Variants in CHD1L observed in about 807,000 individuals in gnomAD.
CHD1L encodes the protein chromodomain helicase DNA binding protein 1 like, also known as ATP-dependent chromatin remodeler CHD1L.
A neutral mutation model predicts 115.9 loss-of-function variants in CHD1L; 118 were observed. The ratio of observed to expected loss-of-function variants is 1.02; its 90% CI spans 0.88 to 1.19. The LOEUF is 1.19. CHD1L is among the 50% of genes most tolerant of loss of function. The pLI, the probability that CHD1L is intolerant of heterozygous loss-of-function variation, is 0.00. For missense variants in CHD1L, 1,179 were observed against 1,065.3 expected, an observed-to-expected ratio of 1.11 and a Z score of -1.49; for synonymous variants, 411 against 387.1, an observed-to-expected ratio of 1.06 and a Z score of -0.72.
chr1:147,280,298 C>CT, intron 15 of CHD1L, 107 bp downstream of exon 15: 1 of 1,161,208 alleles, frequency 8.6e-7, no homozygotes. Flanking sequence ...TTTTTTCTCC[C>CT]TTACCCTATT....
chr1:147,287,579 A>G lies in CHD1L; in HGVS notation c.2222-56A>G. 4 of 1,292,446 alleles carry G rather than the reference A, an allele frequency of 3.1e-6. No individual in the cohort carries two copies. The South Asian group carries it at 4.0e-5, about 13-fold the overall frequency. 80.1% of individuals were successfully genotyped at this position (1,292,446 alleles called of 1,614,324 possible). ...CCTTTTGTGTGCCTTTGTTTTTCTA[A>G]ATTGTGCACTGGACTTCACCTCCTA... On this transcript the variant is annotated intron_variant, in intron 18 of 22. Coordinates refer to ENST00000369258, the MANE Select transcript of CHD1L (RefSeq NM_004284.6).
At chr1:147,198,850 C>CAAA in the CHD1L span, among the ~76,000 whole-genome samples, 85 of 51,668 alleles carry the variant, frequency 1.6e-3, no homozygotes, top group East Asian at 2.3e-3. Context: ...GACTGCATCT[C>CAAA]AAAAAAAAAA....
chr1:147,215,808 C>T, the CHD1L span: 95 of 1,613,660 alleles, frequency 5.9e-5, 1 homozygote, highest in South Asian at 1.0e-3. Context: ...TCCTGAAATA[C>T]TCCAGGACCT....
At chr1:147,226,047 T>C in the CHD1L span, among the ~76,000 whole-genome samples, 1 of 152,036 alleles carries the variant, frequency 6.6e-6, no homozygotes. Context: ...TTATTATTAT[T>C]ACTTTTTTTA....
At chr1:147,265,605 A>T (rs1217994838) in intron 7 of CHD1L, among the ~76,000 whole-genome samples, 1 of 152,176 alleles carries the variant, frequency 6.6e-6, no homozygotes, top group Non-Finnish European at 1.5e-5. Flanking sequence ...AAAAATGGGG[A>T]CAGTATTCCT....
the CHD1L span, chr1:147,215,761 C>T: frequency 1.8e-5 from 29 of 1,596,526 alleles, no homozygotes; most frequent in Middle Eastern, 5.0e-4. Context: ...TACCTTAAAT[C>T]GAATATACTT....
the CHD1L span, among the ~76,000 whole-genome samples, chr1:147,234,156 C>T: frequency 5.9e-5 from 9 of 152,128 alleles, no homozygotes; most frequent in African/African-American, 1.9e-4. Flanking sequence ...CTCTTTTGAC[C>T]CCCACATTCT....
chr1:147,241,255 GTT>G (rs1299235194), upstream of CHD1L, among the ~76,000 whole-genome samples: 3 of 152,146 alleles, frequency 2.0e-5, no homozygotes, highest in African/African-American at 7.2e-5. Context: ...CAGATGGCTG[GTT>G]CCTGCCTTAA....
rs1686747217 is a variant in CHD1L, at chr1:147,294,348, A to G, written c.2507-61A>G. On this transcript the variant is annotated intron_variant, in intron 21 of 22. Transcript: ENST00000369258. The stretch of plus-strand genomic sequence containing the variant: ...TCAATAATAATTTTCTCCCATGTGT[A>G]TTTTATACCCATCAATCAATTTTTG... The G allele has an allele frequency of 2.5e-6, 3 of 1,212,044 alleles. No homozygotes were observed. The Admixed American group carries it at 5.9e-5, about 24-fold the overall frequency. 75.1% of individuals were successfully genotyped at this position (1,212,044 alleles called of 1,614,324 possible).
At chr1:147,172,946 A>G in the CHD1L span, 1 of 152,470 alleles carries the variant, frequency 6.6e-6, no homozygotes, top group East Asian at 1.9e-4. Flanking sequence ...CTTATAGGGA[A>G]TAAGAAAACT....
chr1:147,222,375 A>AAG, the CHD1L span, among the ~76,000 whole-genome samples: 1 of 152,138 alleles, frequency 6.6e-6, no homozygotes. Flanking sequence ...CTAAAAAGAA[A>AAG]AGAGAGAGAG....
chr1:147,242,961 C>T, intron 1 of CHD1L, 131 bp downstream of exon 1: 2 of 1,108,068 alleles, frequency 1.8e-6, no homozygotes, highest in Non-Finnish European at 2.3e-6. Flanking sequence ...TTCCTTCGCT[C>T]CTGCCGTGGG....
chr1:147,280,276 C>T, intron 15 of CHD1L, 85 bp downstream of exon 15: 1 of 1,362,002 alleles, frequency 7.3e-7, no homozygotes, highest in Non-Finnish European at 9.9e-7. Flanking sequence ...GGATGCTGCT[C>T]TCTGGGGCAT....
intron 19 of CHD1L, among the ~76,000 whole-genome samples, chr1:147,290,840 C>A (rs1294150746): frequency 6.6e-6 from 1 of 151,844 alleles, no homozygotes. Flanking sequence ...TTTGTAGAGA[C>A]TGGGTCTTGC....
chr1:147,234,422 A>G, the CHD1L span, among the ~76,000 whole-genome samples: 2,619 of 152,302 alleles, frequency 0.017, 78 homozygotes, highest in African/African-American at 0.06. Flanking sequence ...GAGAAAGTGC[A>G]TATCTAAAAA....
At chr1:147,240,281 T>C (rs1352680131), upstream of CHD1L, among the ~76,000 whole-genome samples, 4 of 152,224 alleles carry the variant, frequency 2.6e-5, no homozygotes, top group Non-Finnish European at 4.4e-5. Flanking sequence ...CAAGGTTAAA[T>C]GGATTCAGGG....
the CHD1L span, among the ~76,000 whole-genome samples, chr1:147,230,988 T>C: frequency 6.6e-6 from 1 of 152,152 alleles, no homozygotes; most frequent in Admixed American, 6.5e-5. Context: ...TTGAAGGGTT[T>C]TTTGTGTCTC....
chr1:147,179,770 T>C, the CHD1L span: 2 of 618,234 alleles, frequency 3.2e-6, no homozygotes, highest in Non-Finnish European at 2.8e-6. Context: ...CTGTTAAATT[T>C]TCTCTAAGCC....
chr1:147,291,822 GC>G (rs1458557604), intron 20 of CHD1L, among the ~76,000 whole-genome samples: 4 of 152,130 alleles, frequency 2.6e-5, no homozygotes, highest in Non-Finnish European at 5.9e-5. Flanking sequence ...TGCTGTGCAT[GC>G]ACAACCCTGG....
Sources: gnomAD v4.1 joint callset for allele counts (sites outside exome capture counted in the v4.1 genomes callset) on GRCh38, gnomAD v4.1.1 for gene constraint, MANE v1.5 for transcripts, NCBI Gene and HGNC (gene_info 2026-07-23, HGNC 2026-07-21) for gene names.